CMKLR2: variants seen among roughly 807,000 people sequenced by gnomAD.
The protein encoded by CMKLR2 is chemerin-like receptor 2.
Under a neutral mutation model 23.0 loss-of-function variants are expected in CMKLR2, and 18 were observed. That is an observed-to-expected ratio of 0.78 (90% CI 0.54 to 1.16). The LOEUF (loss-of-function observed/expected upper bound fraction) is 1.16, where lower values mean the gene tolerates loss of function less well. CMKLR2 is among the 50% of genes most tolerant of loss of function. The pLI, the probability that CMKLR2 is intolerant of heterozygous loss-of-function variation, is 0.00. For synonymous variants in CMKLR2, 158 were observed against 158.9 expected, an observed-to-expected ratio of 0.99 and a Z score of 0.05; for missense variants, 401 against 412.7, an observed-to-expected ratio of 0.97 and a Z score of 0.25.
chr2:206,194,567 C>T (rs758724175), intron 1 of CMKLR2, among the ~76,000 whole-genome samples: 3 of 148,052 alleles, frequency 2.0e-5, no homozygotes, highest in Non-Finnish European at 4.4e-5. Flanking sequence ...AAGCAGTTCT[C>T]ATGCCTCAGT....
intron 1 of CMKLR2, among the ~76,000 whole-genome samples, chr2:206,177,493 C>G (rs1428087431): frequency 6.6e-6 from 1 of 151,918 alleles, no homozygotes; most frequent in Admixed American, 6.6e-5. Context: ...GGCTCAAGTG[C>G]CTCCTACCTC....
At chr2:206,205,659 GA>G (rs1689286673) in intron 1 of CMKLR2, among the ~76,000 whole-genome samples, 1 of 151,624 alleles carries the variant, frequency 6.6e-6, no homozygotes, top group Non-Finnish European at 1.5e-5. Context: ...GGTGTGAGGT[GA>G]AAATGCCACT....
At chr2:206,204,779 C>A (rs890459523) in intron 1 of CMKLR2, among the ~76,000 whole-genome samples, 1 of 152,078 alleles carries the variant, frequency 6.6e-6, no homozygotes, top group Non-Finnish European at 1.5e-5. Context: ...GAGAAAACAT[C>A]AACTGAAAGA....
At chr2:206,196,081 G>A (rs561823528) in intron 1 of CMKLR2, among the ~76,000 whole-genome samples, 1 of 150,392 alleles carries the variant, frequency 6.6e-6, no homozygotes, top group East Asian at 2.0e-4. Flanking sequence ...TTCTTCAAAA[G>A]TGCTTAAACC....
chr2:206,178,205 C>T (rs1576031945), intron 1 of CMKLR2, among the ~76,000 whole-genome samples: 1 of 152,300 alleles, frequency 6.6e-6, no homozygotes, highest in East Asian at 1.9e-4. Context: ...TTTGAGGCTG[C>T]AGCGAGCTAT....
intron 1 of CMKLR2, among the ~76,000 whole-genome samples, chr2:206,204,842 G>A (rs372243746): frequency 4.6e-5 from 7 of 152,322 alleles, no homozygotes; most frequent in Admixed American, 2.6e-4. Context: ...AAGCTACGCT[G>A]TGTTCATTCC....
intron 1 of CMKLR2, among the ~76,000 whole-genome samples, chr2:206,209,847 A>G (rs1191470496): frequency 6.6e-6 from 1 of 150,600 alleles, no homozygotes; most frequent in African/African-American, 2.4e-5. Flanking sequence ...ACGGAGTTTC[A>G]CTGTGTTAGC....
intron 1 of CMKLR2, among the ~76,000 whole-genome samples, chr2:206,184,819 A>G (rs76849103): frequency 0.013 from 2,021 of 152,312 alleles, 18 homozygotes; most frequent in Non-Finnish European, 0.02. Context: ...TTCACTAAAT[A>G]AGACAGACAA....
At chr2:206,194,334 G>A (rs914968653) in intron 1 of CMKLR2, among the ~76,000 whole-genome samples, 4 of 152,128 alleles carry the variant, frequency 2.6e-5, no homozygotes. Flanking sequence ...AGGAGTATAG[G>A]ATAAGATGTA....
intron 1 of CMKLR2, among the ~76,000 whole-genome samples, chr2:206,197,891 A>AG (rs1189415941): frequency 6.6e-6 from 1 of 152,258 alleles, no homozygotes; most frequent in Non-Finnish European, 1.5e-5. Flanking sequence ...ATTAAAACAA[A>AG]TGACAGCCAT....
intron 1 of CMKLR2, among the ~76,000 whole-genome samples, chr2:206,204,112 G>C (rs962067427): frequency 1.2e-4 from 19 of 152,118 alleles, no homozygotes; most frequent in African/African-American, 4.6e-4. Context: ...CAGCACTTTG[G>C]GAGTCCGAGG....
At chr2:206,209,278 C>T (rs1300330350) in intron 1 of CMKLR2, among the ~76,000 whole-genome samples, 2 of 151,168 alleles carry the variant, frequency 1.3e-5, no homozygotes, top group Non-Finnish European at 2.9e-5. Context: ...GTAGAGGTTG[C>T]AGTGAGCTGA....
intron 1 of CMKLR2, among the ~76,000 whole-genome samples, chr2:206,179,056 T>G (rs1462332253): frequency 5.5e-4 from 8 of 14,676 alleles, no homozygotes; most frequent in African/African-American, 4.3e-3. Flanking sequence ...TCCCTGTCCC[T>G]TTTTTTTTTT....
intron 1 of CMKLR2, among the ~76,000 whole-genome samples, chr2:206,212,457 T>C (rs1484352877): frequency 1.3e-5 from 2 of 151,538 alleles, no homozygotes; most frequent in African/African-American, 4.9e-5. Context: ...GATTCTTGGG[T>C]GAATGAGTCT....
At chr2:206,191,837 A>ATTTTT (rs774926244) in intron 1 of CMKLR2, among the ~76,000 whole-genome samples, 1 of 119,246 alleles carries the variant, frequency 8.4e-6, no homozygotes, top group Non-Finnish European at 1.7e-5. Context: ...TGCCCAACTA[A>ATTTTT]TTTTTTTTTT....
upstream of CMKLR2, among the ~76,000 whole-genome samples, chr2:206,214,858 C>G (rs921825342): frequency 6.6e-6 from 1 of 152,012 alleles, no homozygotes; most frequent in African/African-American, 2.4e-5. Context: ...ATCTCCTGAC[C>G]TCGTGATCCG....
chr2:206,201,564 C>T (rs1689097658), intron 1 of CMKLR2, among the ~76,000 whole-genome samples: 1 of 152,038 alleles, frequency 6.6e-6, no homozygotes, highest in African/African-American at 2.4e-5. Context: ...AAGACCTGGT[C>T]TGTGATTTAA....
chr2:206,214,955 A>G (rs1250288573), upstream of CMKLR2, among the ~76,000 whole-genome samples: 1 of 152,126 alleles, frequency 6.6e-6, no homozygotes, highest in African/African-American at 2.4e-5. Flanking sequence ...GTCTAACTTC[A>G]GCTCAACCAT....
chr2:206,209,482 C>A (rs1689457051), intron 1 of CMKLR2, among the ~76,000 whole-genome samples: 1 of 151,996 alleles, frequency 6.6e-6, no homozygotes, highest in African/African-American at 2.4e-5. Flanking sequence ...AACCCATCAC[C>A]TAGGTATTAA....
Sources: gnomAD v4.1 joint callset for allele counts (sites outside exome capture counted in the v4.1 genomes callset) on GRCh38, gnomAD v4.1.1 for gene constraint, MANE v1.5 for transcripts, NCBI Gene and HGNC (gene_info 2026-07-23, HGNC 2026-07-21) for gene names.